TMEM132D: variants seen among roughly 807,000 people sequenced by gnomAD.
The protein encoded by TMEM132D is transmembrane protein 132D.
Under a neutral mutation model 62.3 loss-of-function variants are expected in TMEM132D, and 21 were observed. The ratio of observed to expected loss-of-function variants is 0.34; its 90% CI spans 0.24 to 0.49. The LOEUF (loss-of-function observed/expected upper bound fraction) is 0.49. Ranked by LOEUF, TMEM132D falls within the 20% of genes least tolerant of loss-of-function variation. The pLI is 0.99. For missense variants in TMEM132D, 1,346 were observed against 1,402.8 expected (o/e 0.96, Z 0.65); for synonymous variants, 621 against 575.6 (o/e 1.08, Z -1.13).
intron 1 of TMEM132D, among the ~76,000 whole-genome samples, chr12:129,896,155 GT>G (rs916028466): frequency 7.9e-5 from 12 of 151,280 alleles, no homozygotes; most frequent in Admixed American, 1.3e-4. Flanking sequence ...GTTTTGTTTT[GT>G]TTTGTTTTTG....
At chr12:129,363,806 T>C (rs1566045914) in intron 3 of TMEM132D, among the ~76,000 whole-genome samples, 1 of 152,226 alleles carries the variant, frequency 6.6e-6, no homozygotes, top group African/African-American at 2.4e-5. Flanking sequence ...CAGTTAAGCC[T>C]TGTGATTTAA....
At chr12:129,201,298 C>A (rs1003682109) in intron 5 of TMEM132D, among the ~76,000 whole-genome samples, 1 of 152,274 alleles carries the variant, frequency 6.6e-6, no homozygotes, top group African/African-American at 2.4e-5. Flanking sequence ...GTGTGGCTGG[C>A]TTTAGGAGAG....
intron 5 of TMEM132D, among the ~76,000 whole-genome samples, chr12:129,087,906 CCG>C (rs1874681949): frequency 7.7e-6 from 1 of 129,432 alleles, no homozygotes; most frequent in Non-Finnish European, 1.6e-5. Context: ...TCCTCCCTGA[CCG>C]GGGTGTCCTC....
intron 2 of TMEM132D, among the ~76,000 whole-genome samples, chr12:129,636,148 C>T (rs912604625): frequency 6.6e-6 from 1 of 152,160 alleles, no homozygotes; most frequent in Admixed American, 6.5e-5. Context: ...GCAAATATTT[C>T]CTGCTTAGAT....
At chr12:129,677,065 T>C (rs919540155) in intron 2 of TMEM132D, among the ~76,000 whole-genome samples, 3 of 152,224 alleles carry the variant, frequency 2.0e-5, no homozygotes, top group African/African-American at 7.2e-5. Flanking sequence ...ATCACTTTGG[T>C]GATTTGCTGA....
chr12:129,607,921 C>G (rs971374897), intron 2 of TMEM132D, among the ~76,000 whole-genome samples: 4 of 152,172 alleles, frequency 2.6e-5, no homozygotes, highest in African/African-American at 9.7e-5. Context: ...CACTATTGCT[C>G]AAGTGTATTG....
intron 1 of TMEM132D, among the ~76,000 whole-genome samples, chr12:129,706,141 A>G (rs1439518092): frequency 6.6e-6 from 1 of 152,034 alleles, no homozygotes; most frequent in African/African-American, 2.4e-5. Flanking sequence ...ATGAGTTATG[A>G]TATTATATAT....
intron 4 of TMEM132D, among the ~76,000 whole-genome samples, chr12:129,310,074 T>G (rs1394653326): frequency 6.6e-6 from 1 of 151,834 alleles, no homozygotes; most frequent in Non-Finnish European, 1.5e-5. Context: ...AAAATCTAGA[T>G]GAGGGCTGGC....
At chr12:129,224,010 A>G (rs1194388566) in intron 4 of TMEM132D, among the ~76,000 whole-genome samples, 2 of 152,102 alleles carry the variant, frequency 1.3e-5, no homozygotes, top group African/African-American at 4.8e-5. Context: ...CACCCACTAG[A>G]TGCCAGTAGC....
chr12:129,460,980 G>T (rs953881206), intron 3 of TMEM132D, among the ~76,000 whole-genome samples: 5 of 152,180 alleles, frequency 3.3e-5, no homozygotes, highest in Admixed American at 3.3e-4. Context: ...GGATTATGTG[G>T]GTTATGCTGA....
At chr12:129,874,188 G>A (rs564775938) in intron 1 of TMEM132D, among the ~76,000 whole-genome samples, 1 of 152,162 alleles carries the variant, frequency 6.6e-6, no homozygotes, top group Non-Finnish European at 1.5e-5. Flanking sequence ...AAATATGTGA[G>A]GTAATGCATA....
chr12:129,260,868 G>A (rs750451674), intron 4 of TMEM132D, among the ~76,000 whole-genome samples: 2 of 152,192 alleles, frequency 1.3e-5, no homozygotes, highest in Non-Finnish European at 2.9e-5. Context: ...TGGCTGAATA[G>A]TATTCAATGG....
chr12:129,852,252 A>T (rs1270323797), intron 1 of TMEM132D: 2 of 152,238 alleles, frequency 1.3e-5, no homozygotes, highest in Non-Finnish European at 2.9e-5. Context: ...CCATAGAAAT[A>T]CACAACCAAG....
In TMEM132D at chr12:129,903,599, A is replaced by G. The variant is rs1304240335; in HGVS notation, c.-260T>C. 7.9e-6 allele frequency: 4 copies of G among 507,410 alleles called. No homozygotes were observed. The highest frequency in any genetic ancestry group is 7.0e-6 in the Non-Finnish European group (2 of 286,428). 31.4% of individuals were successfully genotyped at this position (507,410 alleles called of 1,614,324 possible). On this transcript the variant is annotated 5_prime_UTR_variant, in exon 1 of 9. Coordinates refer to ENST00000422113, the MANE Select transcript of TMEM132D (RefSeq NM_133448.3). This position sits in a 1 kb window ranked among gnomAD's most constrained non-coding sequence, Gnocchi z 6.2. ...ACCCCACCTCCCTCCTTCGACCCCA[A>G]CAGAATTTTTTTTAAATTTTAATCC...
intron 5 of TMEM132D, among the ~76,000 whole-genome samples, chr12:129,182,295 CA>C (rs1326229432): frequency 6.6e-6 from 1 of 152,152 alleles, no homozygotes; most frequent in Non-Finnish European, 1.5e-5. Flanking sequence ...CCCTGGGAGG[CA>C]GTGGTTGCAG....
intron 4 of TMEM132D, chr12:129,211,062 ATTC>A (rs1387590333): frequency 6.6e-6 from 1 of 152,150 alleles, no homozygotes; most frequent in Non-Finnish European, 1.5e-5. Context: ...AGTGAATCTC[ATTC>A]TTCTCTGCAG....
At chr12:129,576,439 T>A (rs1877660562) in intron 2 of TMEM132D, among the ~76,000 whole-genome samples, 2 of 151,848 alleles carry the variant, frequency 1.3e-5, no homozygotes, top group African/African-American at 2.4e-5. Flanking sequence ...TGTGTGTCTA[T>A]AAGTATGTGT....
chr12:129,073,808 C>G lies in TMEM132D; in HGVS notation c.*67G>C, dbSNP rs530079204. The G allele has an allele frequency of 2.1e-5, 29 of 1,371,976 alleles. No homozygotes were observed. The highest frequency in any genetic ancestry group is 2.9e-5 in the Non-Finnish European group (29 of 1,005,084). 85.0% of individuals were successfully genotyped at this position (1,371,976 alleles called of 1,614,324 possible). A position where few individuals can be genotyped will look rare whatever the true frequency, so the allele number is the denominator to read the frequency against. On this transcript the variant is annotated 3_prime_UTR_variant, in exon 9 of 9. Coordinates refer to ENST00000422113, the MANE Select transcript of TMEM132D (RefSeq NM_133448.3). ...TGCTTTGTTTCTCTTCCGGGGGCAC[C>G]GTTGCTACACATCCTGGAATTAAAG...
intron 2 of TMEM132D, among the ~76,000 whole-genome samples, chr12:129,545,270 T>C (rs1225529495): frequency 6.6e-6 from 1 of 152,326 alleles, no homozygotes; most frequent in African/African-American, 2.4e-5. Flanking sequence ...CAAGTCCTAC[T>C]GGCATTGGGG....
Sources: allele counts gnomAD v4.1 joint callset (sites outside exome capture counted in the v4.1 genomes callset), GRCh38; gene constraint gnomAD v4.1.1; non-coding constraint Gnocchi (gnomAD v3.1); transcripts MANE v1.5; gene names NCBI Gene and HGNC (gene_info 2026-07-23, HGNC 2026-07-21).